SLC25A30: variants seen among roughly 807,000 people sequenced by gnomAD.
The protein encoded by SLC25A30 is kidney mitochondrial carrier protein 1.
SLC25A30 carries 29 observed loss-of-function variants against 42.7 expected under a neutral mutation model. The ratio of observed to expected loss-of-function variants is 0.68; its 90% CI spans 0.51 to 0.93. The LOEUF (loss-of-function observed/expected upper bound fraction) is 0.93, where lower values mean the gene tolerates loss of function less well. Among genes scored for constraint, SLC25A30 ranks in the 40% least tolerant of loss-of-function variants. The probability of loss-of-function intolerance (pLI) is 0.00; values close to 1 mark genes in which losing one functional copy is unlikely to be tolerated. For missense variants in SLC25A30, 300 were observed against 359.7 expected, an observed-to-expected ratio of 0.83 and a Z score of 1.34; for synonymous variants, 124 against 131.0, an observed-to-expected ratio of 0.95 and a Z score of 0.37.
At chr13:45,402,846 C>T in intron 5 of SLC25A30, 1 of 985,134 alleles carries the variant, frequency 1.0e-6, no homozygotes, top group Non-Finnish European at 1.2e-6. Flanking sequence ...AAAAGGTATG[C>T]AGGCGAGCTA....
the SLC25A30 span, among the ~76,000 whole-genome samples, chr13:45,423,655 A>G: frequency 1.6e-5 from 1 of 62,404 alleles, no homozygotes; most frequent in Non-Finnish European, 2.7e-5. Flanking sequence ...ACATATTTAT[A>G]TAAATATATA....
chr13:45,397,315 A>G lies in SLC25A30; in HGVS notation c.777T>C (p.Phe259=). Residue 259 remains phenylalanine (F), a synonymous_variant, in exon 9 of 10, where the codon TTT becomes TTC. Coordinates refer to ENST00000519676, the MANE Select transcript of SLC25A30 (RefSeq NM_001010875.4). ...TTGGCCAAAAGCCTTTATAGAGAGC[A>G]AAAAACCCTTCATTCTTCCATGTCT... ...LLQTWKNEGF[F]ALYKGFWPNW... is the part of the protein sequence containing the mutation. 6.2e-7 allele frequency: 1 copy of G among 1,611,774 alleles called. No homozygotes were observed. Among genetic ancestry groups the G allele is most frequent in the South Asian group, 1.1e-5 (1 of 91,008 alleles).
the SLC25A30 span, among the ~76,000 whole-genome samples, chr13:45,424,773 T>C: frequency 1.7e-5 from 1 of 60,164 alleles, no homozygotes; most frequent in African/African-American, 6.0e-5. Context: ...TATAAATATA[T>C]ATATATAAAT....
At position 45,395,136 on chromosome 13, in the gene SLC25A30, T is replaced by C. The variant is rs1338751077; in HGVS notation, c.*838A>G. On this transcript the variant is annotated 3_prime_UTR_variant, in exon 10 of 10. Transcript: ENST00000519676. ...AGTAGCAGCAGCTACTATTTGTTCT[T>C]CATTTGACCCTCTACATCAATAGAC... 3.0e-6 allele frequency: 3 copies of C among 985,356 alleles called. No homozygotes were observed. The highest frequency in any genetic ancestry group is 1.1e-4 in the East Asian group (1 of 8,836). The allele number at this position is 985,356 out of a possible 1,614,324, so 61.0% of individuals were successfully genotyped here.
In SLC25A30 at chr13:45,407,181, T is replaced by C. The variant is rs1396301022; in HGVS notation, c.213-1204A>G. 3.3e-5 allele frequency among the ~76,000 whole-genome samples: 5 copies of C among 152,076 alleles called. No individual in the cohort carries two copies. The East Asian group carries it at 9.7e-4, about 29-fold the overall frequency. ...GGGAGGCCGAGACGGGTGGATCACTTGAGGTCAGGAGTTTAAGACCAGCCT... is the reference window on the plus strand; with the variant it reads ...GGGAGGCCGAGACGGGTGGATCACTCGAGGTCAGGAGTTTAAGACCAGCCT... On this transcript the variant is annotated intron_variant, in intron 3 of 9. Transcript: ENST00000519676.
intron 2 of SLC25A30, among the ~76,000 whole-genome samples, chr13:45,410,109 C>T (rs1490634616): frequency 6.6e-6 from 1 of 152,192 alleles, no homozygotes; most frequent in Non-Finnish European, 1.5e-5. Context: ...ACAGGGCATT[C>T]AACAGCTGCT....
At chr13:45,419,067 G>A (rs1158561016), upstream of SLC25A30, among the ~76,000 whole-genome samples, 5 of 133,908 alleles carry the variant, frequency 3.7e-5, no homozygotes, top group East Asian at 9.3e-4. Context: ...GGAGGCGGAG[G>A]TTGCAGTGAG....
At chr13:45,404,045 C>A (rs1163446914) in intron 5 of SLC25A30, among the ~76,000 whole-genome samples, 1 of 151,542 alleles carries the variant, frequency 6.6e-6, no homozygotes, top group Non-Finnish European at 1.5e-5. Context: ...AAACAAGGAA[C>A]ATTTTCCGTG....
upstream of SLC25A30, among the ~76,000 whole-genome samples, chr13:45,421,250 C>CT (rs1883884356): frequency 6.6e-6 from 1 of 151,806 alleles, no homozygotes; most frequent in African/African-American, 2.4e-5. Context: ...ATGGTGCTGC[C>CT]TGCCTATAGT....
Position 45,397,420 on chromosome 13 carries a change from C to G in SLC25A30, c.754-82G>C, listed in dbSNP as rs1224700995. ...TAATAATTAGTGGCCAGGCCAGGCG[C>G]GGTGGCTCACGCCTTTAATCCCAGC... On this transcript the variant is annotated intron_variant, in intron 8 of 9. Transcript: ENST00000519676. 3.1e-6 allele frequency: 3 copies of G among 964,342 alleles called. No homozygotes were observed. In the African/African-American group the frequency reaches 4.9e-5, roughly 16 times the overall value. 59.7% of individuals were successfully genotyped at this position (964,342 alleles called of 1,614,324 possible). A position where few individuals can be genotyped will look rare whatever the true frequency, so the allele number is the denominator to read the frequency against.
rs1883015346 is a variant in SLC25A30 at position 45,411,395 on chromosome 13, A to C, written c.31T>G (p.Tyr11Asp). Reference protein sequence around the residue: MSALNWKPFVYGGLASITAEC... With the variant: MSALNWKPFVDGGLASITAEC... The stretch of plus-strand genomic sequence containing the variant: ...GCAGTGATGGAGGCCAGCCCCCCGT[A>C]CACAAACGGCTTCCAGTTGAGGGCT... Residue 11 changes from tyrosine (Y) to aspartate (D), a missense_variant, in exon 2 of 10, where the codon TAC (tyrosine) becomes GAC (aspartate). Transcript: ENST00000519676. The C allele has an allele frequency of 2.5e-6, 4 of 1,614,150 alleles. No homozygotes were observed. The East Asian group carries it at 8.9e-5, about 36-fold the overall frequency.
the SLC25A30 span, among the ~76,000 whole-genome samples, chr13:45,425,640 A>T: frequency 2.0e-4 from 13 of 65,744 alleles, 1 homozygote; most frequent in African/African-American, 4.6e-4. Flanking sequence ...GTATATATAA[A>T]TATATATATA....
At chr13:45,408,870 T>C (rs1882750133) in intron 3 of SLC25A30, 57 bp downstream of exon 3, 1 of 1,528,814 alleles carries the variant, frequency 6.5e-7, no homozygotes, top group South Asian at 1.3e-5. Context: ...TGGTCTGAAG[T>C]CTATACCCAT....
intron 6 of SLC25A30, 45 bp downstream of exon 6, chr13:45,402,230 A>G: frequency 1.4e-6 from 2 of 1,475,642 alleles, no homozygotes; most frequent in Non-Finnish European, 1.9e-6. Flanking sequence ...TCAAAAAAGG[A>G]AAAAAGAACT....
At chr13:45,426,375 G>GC in the SLC25A30 span, among the ~76,000 whole-genome samples, 5 of 152,028 alleles carry the variant, frequency 3.3e-5, no homozygotes, top group Non-Finnish European at 5.9e-5. Context: ...ATGAGCCACC[G>GC]CCCCCGGCCC....
At chr13:45,425,916 C>G in the SLC25A30 span, among the ~76,000 whole-genome samples, 4 of 147,534 alleles carry the variant, frequency 2.7e-5, no homozygotes, top group Non-Finnish European at 4.5e-5. Flanking sequence ...TGGTCTTGAA[C>G]TCCTGACCTC....
upstream of SLC25A30, among the ~76,000 whole-genome samples, chr13:45,418,997 G>A (rs1883782730): frequency 8.1e-6 from 1 of 123,244 alleles, no homozygotes; most frequent in African/African-American, 3.1e-5. Flanking sequence ...CAGACCTGGT[G>A]GCGGGTGCCT....
chr13:45,417,629 C>T (rs894592462), intron 1 of SLC25A30, among the ~76,000 whole-genome samples: 1 of 152,178 alleles, frequency 6.6e-6, no homozygotes, highest in Non-Finnish European at 1.5e-5. Flanking sequence ...ACGGCAAAGC[C>T]AAAAGCAAGA....
intron 7 of SLC25A30, among the ~76,000 whole-genome samples, chr13:45,400,041 C>T (rs866888237): frequency 0.21 from 20,648 of 97,370 alleles, 2,333 homozygotes; most frequent in African/African-American, 0.36. Flanking sequence ...TATACACACA[C>T]ACACACACAC....
Sources: allele counts gnomAD v4.1 joint callset (sites outside exome capture counted in the v4.1 genomes callset), GRCh38; gene constraint gnomAD v4.1.1; transcripts MANE v1.5; gene names NCBI Gene and HGNC (gene_info 2026-07-23, HGNC 2026-07-21).